THSD4: variants seen among roughly 807,000 people sequenced by gnomAD.
THSD4 encodes the protein thrombospondin type-1 domain-containing protein 4.
THSD4 carries 69 observed loss-of-function variants against 119.0 expected under a neutral mutation model. The ratio of observed to expected loss-of-function variants is 0.58; its 90% CI spans 0.48 to 0.71. The LOEUF (loss-of-function observed/expected upper bound fraction) is 0.71. THSD4 is among the 30% of genes least tolerant of loss of function. The pLI is 0.00. For missense variants in THSD4, 1,393 were observed against 1,391.1 expected (o/e 1.00, Z -0.02); for synonymous variants, 524 against 540.4 (o/e 0.97, Z 0.42).
chr15:71,392,386 A>G (rs954012109), intron 6 of THSD4, among the ~76,000 whole-genome samples: 1 of 152,214 alleles, frequency 6.6e-6, no homozygotes, highest in African/African-American at 2.4e-5. Context: ...GCCTTGTCAT[A>G]CCGATTTTGA....
intron 14 of THSD4, 127 bp downstream of exon 14, chr15:71,748,721 C>T (rs2053389418): frequency 8.2e-7 from 1 of 1,223,726 alleles, no homozygotes; most frequent in Admixed American, 2.6e-5. Context: ...AAAAAAAGGC[C>T]CAGAGAGGAA....
At chr15:71,363,371 T>C (rs1277987395) in intron 6 of THSD4, among the ~76,000 whole-genome samples, 1 of 152,222 alleles carries the variant, frequency 6.6e-6, no homozygotes, top group Non-Finnish European at 1.5e-5. Context: ...TATTCCCTTT[T>C]TGCTTTCTCA....
At chr15:71,305,888 C>G (rs1253158254) in intron 6 of THSD4, among the ~76,000 whole-genome samples, 1 of 152,214 alleles carries the variant, frequency 6.6e-6, no homozygotes, top group African/African-American at 2.4e-5. Context: ...TCCAGCCTTC[C>G]AGATTTTCTG....
chr15:71,773,096 G>A (rs1191497441), intron 17 of THSD4, among the ~76,000 whole-genome samples: 2 of 149,822 alleles, frequency 1.3e-5, no homozygotes, highest in Non-Finnish European at 2.9e-5. Context: ...GGCTAATTAG[G>A]AAGCTGAGGT....
intron 1 of THSD4, among the ~76,000 whole-genome samples, chr15:71,120,399 C>T (rs1025705120): frequency 6.6e-6 from 1 of 152,138 alleles, no homozygotes; most frequent in African/African-American, 2.4e-5. Context: ...TTGTCTTCTC[C>T]TACCAGCCTT....
intron 6 of THSD4, among the ~76,000 whole-genome samples, chr15:71,324,363 G>T (rs1394613334): frequency 6.6e-6 from 1 of 152,112 alleles, no homozygotes; most frequent in Non-Finnish European, 1.5e-5. Context: ...TTACACAGAT[G>T]AATTGTAGAG....
At position 71,731,132 on chromosome 15, in the gene THSD4, G is replaced by T. The variant is rs2052970209; in HGVS notation, c.1545G>T (p.Gln515His). ...NEILDVYMIH[Q>H]QPNPGVHYEY... is the part of the protein sequence containing the mutation. ...TTTTGTGTCAGCAGATGATACACCA[G>T]CAGCCAAACCCAGGCGTGCACTACG... Residue 515 changes from glutamine (Q) to histidine (H), a missense_variant, in exon 10 of 18, where the codon CAG (glutamine) becomes CAT (histidine). By Grantham distance (24) the Gln-to-His change is conservative (BLOSUM62 0). Coordinates refer to ENST00000261862, the MANE Select transcript of THSD4 (RefSeq NM_024817.3). 1 of 1,614,138 alleles carries T rather than the reference G, an allele frequency of 6.2e-7. No homozygotes were observed. The highest frequency in any genetic ancestry group is 1.3e-5 in the African/African-American group (1 of 75,050).
At chr15:71,230,414 A>G (rs559488666) in intron 4 of THSD4, among the ~76,000 whole-genome samples, 1 of 152,192 alleles carries the variant, frequency 6.6e-6, no homozygotes, top group South Asian at 2.1e-4. Flanking sequence ...CACATATCAC[A>G]TTGGAGGCTC....
intron 8 of THSD4, among the ~76,000 whole-genome samples, chr15:71,671,608 T>C (rs2051530287): frequency 1.3e-5 from 2 of 152,380 alleles, no homozygotes; most frequent in Middle Eastern, 3.4e-3. Context: ...AGGGTTTTTA[T>C]GGTTTTAGGT....
chr15:71,637,548 T>C (rs4777427), intron 7 of THSD4, among the ~76,000 whole-genome samples: 16,632 of 151,966 alleles, frequency 0.11, 1,002 homozygotes, highest in East Asian at 0.2. Flanking sequence ...GAAATGCCAG[T>C]AACCTGGTGA....
intron 6 of THSD4, among the ~76,000 whole-genome samples, chr15:71,296,178 GA>G (rs2044860750): frequency 1.3e-5 from 2 of 152,194 alleles, no homozygotes. Context: ...CCTAGAAGTG[GA>G]ATTACTGGGT....
At chr15:71,231,767 C>T (rs536724797) in intron 4 of THSD4, among the ~76,000 whole-genome samples, 36 of 152,198 alleles carry the variant, frequency 2.4e-4, no homozygotes, top group South Asian at 4.1e-4. Context: ...GGGAAGCTTT[C>T]GTTTTCATCT....
At chr15:71,490,559 CAAAAAAAA>C (rs11408465) in intron 7 of THSD4, among the ~76,000 whole-genome samples, 55 of 90,902 alleles carry the variant, frequency 6.1e-4, no homozygotes, top group African/African-American at 2.7e-3. Flanking sequence ...GACTCCGTCT[CAAAAAAAA>C]AAAAAAAAAA....
chr15:71,283,723 C>T (rs1335247186), intron 6 of THSD4, among the ~76,000 whole-genome samples: 3 of 152,228 alleles, frequency 2.0e-5, no homozygotes, highest in Admixed American at 2.0e-4. Flanking sequence ...GCGGCTTTAA[C>T]TCATCACAAA....
intron 7 of THSD4, among the ~76,000 whole-genome samples, chr15:71,618,853 C>T (rs1316281896): frequency 1.3e-5 from 2 of 152,056 alleles, no homozygotes; most frequent in Non-Finnish European, 2.9e-5. Flanking sequence ...GCTGGGATTA[C>T]AGACATAAGC....
intron 1 of THSD4, among the ~76,000 whole-genome samples, chr15:71,120,530 G>A (rs1196979967): frequency 1.3e-5 from 2 of 152,226 alleles, no homozygotes; most frequent in African/African-American, 2.4e-5. Context: ...GTCCCAGGAG[G>A]GTGGCACTGG....
At chr15:71,459,703 A>AAT (rs1244179425) in intron 7 of THSD4, among the ~76,000 whole-genome samples, 1 of 152,198 alleles carries the variant, frequency 6.6e-6, no homozygotes, top group Admixed American at 6.5e-5. Flanking sequence ...CTTAGGAATG[A>AAT]ATATATATAA....
At chr15:71,766,494 A>T (rs1373316311) in intron 16 of THSD4, among the ~76,000 whole-genome samples, 1 of 152,226 alleles carries the variant, frequency 6.6e-6, no homozygotes, top group Non-Finnish European at 1.5e-5. Context: ...TGAGAATTCC[A>T]TTTCCAAAAA....
chr15:71,603,017 C>A (rs2050042937), intron 7 of THSD4, among the ~76,000 whole-genome samples: 1 of 152,236 alleles, frequency 6.6e-6, no homozygotes, highest in African/African-American at 2.4e-5. Flanking sequence ...TGTGCTCTTT[C>A]CCCGCTATGT....
Sources: allele counts gnomAD v4.1 joint callset (sites outside exome capture counted in the v4.1 genomes callset), GRCh38; gene constraint gnomAD v4.1.1; transcripts MANE v1.5; gene names NCBI Gene and HGNC (gene_info 2026-07-23, HGNC 2026-07-21).